KSR2: variants seen among roughly 807,000 people sequenced by gnomAD.
The protein encoded by KSR2 is kinase suppressor of ras 2.
In KSR2, 25 loss-of-function variants were observed where a neutral mutation model predicts 107.8. The observed-to-expected ratio is 0.23, with a 90% CI of 0.17 to 0.32. The LOEUF (loss-of-function observed/expected upper bound fraction) is 0.32. Ranked by LOEUF, KSR2 falls within the 10% of genes least tolerant of loss-of-function variation. The pLI is 1.00. For missense variants in KSR2, 887 were observed against 1,268.9 expected (o/e 0.70, Z 4.57); for synonymous variants, 480 against 507.0 (o/e 0.95, Z 0.71).
intron 7 of KSR2, among the ~76,000 whole-genome samples, chr12:117,565,316 T>C (rs1004548974): frequency 1.3e-5 from 2 of 152,244 alleles, no homozygotes; most frequent in Non-Finnish European, 2.9e-5. Flanking sequence ...AACTTTACAA[T>C]AATCTGTCTG....
intron 14 of KSR2, 124 bp downstream of exon 14, chr12:117,524,728 T>C: frequency 8.7e-7 from 1 of 1,154,204 alleles, no homozygotes; most frequent in Non-Finnish European, 1.2e-6. Context: ...GTAAGTAAAC[T>C]GTGCATGGTA....
At chr12:117,485,527 G>T (rs1051480704) in intron 15 of KSR2, 68 bp downstream of exon 15, 3 of 1,205,892 alleles carry the variant, frequency 2.5e-6, no homozygotes, top group Non-Finnish European at 3.7e-6. Flanking sequence ...CCCTGGGGTA[G>T]GGGGGCTTCC....
chr12:117,773,770 C>T (rs1041379903), intron 3 of KSR2, among the ~76,000 whole-genome samples: 1 of 152,136 alleles, frequency 6.6e-6, no homozygotes, highest in Admixed American at 6.5e-5. Context: ...TGGCAAGAGA[C>T]AAAACTTTTA....
intron 14 of KSR2, among the ~76,000 whole-genome samples, chr12:117,488,708 T>C (rs1872597264): frequency 6.6e-6 from 1 of 151,620 alleles, no homozygotes; most frequent in African/African-American, 2.4e-5. Flanking sequence ...TTCTTTTTTT[T>C]TTTTTTGAGA....
chr12:117,568,057 A>G (rs914469464), intron 7 of KSR2, among the ~76,000 whole-genome samples: 1 of 152,214 alleles, frequency 6.6e-6, no homozygotes, highest in Non-Finnish European at 1.5e-5. Flanking sequence ...GGAAGTATTG[A>G]CATATAAATC....
chr12:117,571,342 T>G (rs928814223), intron 7 of KSR2, among the ~76,000 whole-genome samples: 2 of 152,084 alleles, frequency 1.3e-5, no homozygotes, highest in African/African-American at 4.8e-5. Flanking sequence ...TGGTTTCAGG[T>G]GAATCCAGTC....
intron 1 of KSR2, among the ~76,000 whole-genome samples, chr12:117,914,795 C>CA (rs972480282): frequency 4.6e-5 from 7 of 152,168 alleles, no homozygotes; most frequent in African/African-American, 1.7e-4. Flanking sequence ...CTTGGCCTCC[C>CA]AAAGTGTTGG....
Position 117,453,391 on chromosome 12 carries a change from GC to G in KSR2, c.*13807del, listed in dbSNP as rs1024055050. The G allele has an allele frequency of 5.2e-5, 8 of 152,400 alleles. No individual in the cohort carries two copies. The highest frequency in any genetic ancestry group is 1.9e-4 in the African/African-American group (8 of 41,370). 9.4% of individuals were successfully genotyped at this position (152,400 alleles called of 1,614,324 possible). A position where few individuals can be genotyped will look rare whatever the true frequency, so the allele number is the denominator to read the frequency against. On this transcript the variant is annotated 3_prime_UTR_variant, in exon 20 of 20. Transcript: ENST00000339824. ...AAACGGAAAGGAAAAGAAAGAAGTG[GC>G]CCCCCAAAAGAAAACATGAAACCAC...
At chr12:117,901,091 G>C (rs904369030) in intron 1 of KSR2, among the ~76,000 whole-genome samples, 3 of 152,090 alleles carry the variant, frequency 2.0e-5, no homozygotes, top group Non-Finnish European at 4.4e-5. Flanking sequence ...GCTCATGAAT[G>C]AAACAGTGCA....
intron 14 of KSR2, among the ~76,000 whole-genome samples, chr12:117,498,379 T>C (rs1190598483): frequency 6.6e-6 from 1 of 152,098 alleles, no homozygotes; most frequent in Non-Finnish European, 1.5e-5. Flanking sequence ...AATTCCCAGC[T>C]GCTACCCAGA....
intron 1 of KSR2, among the ~76,000 whole-genome samples, chr12:117,902,264 G>C (rs550374976): frequency 2.0e-5 from 3 of 152,256 alleles, no homozygotes; most frequent in Non-Finnish European, 4.4e-5. Flanking sequence ...TTTGAGACCA[G>C]CCTGGCCAAC....
intron 1 of KSR2, among the ~76,000 whole-genome samples, chr12:117,936,537 TAGTAGTAGTAGTAG>T (rs1566089689): frequency 4.8e-5 from 4 of 83,560 alleles, no homozygotes; most frequent in Non-Finnish European, 7.4e-5. Context: ...TTATTATTAG[TAGTAGTAGTAGTAG>T]TAGTAGTAGT....
intron 4 of KSR2, among the ~76,000 whole-genome samples, chr12:117,668,966 A>T (rs1041121220): frequency 6.6e-5 from 10 of 152,192 alleles, no homozygotes; most frequent in Non-Finnish European, 1.5e-4. Context: ...AGGAAGGTAA[A>T]GAAGAGCTCT....
chr12:117,510,279 T>A (rs1477430693), intron 14 of KSR2, among the ~76,000 whole-genome samples: 1 of 152,206 alleles, frequency 6.6e-6, no homozygotes, highest in East Asian at 1.9e-4. Context: ...TTATTATTAC[T>A]ACGTGATTTA....
chr12:117,507,884 A>G lies in KSR2; in HGVS notation c.2219+16968T>C, dbSNP rs538844204. ...GGAAATCAGGCTGAACTACCTCAGGACCTGCTAAACTGGCACCTTCTCTCC... is the reference window on the plus strand; with the variant it reads ...GGAAATCAGGCTGAACTACCTCAGGGCCTGCTAAACTGGCACCTTCTCTCC... On this transcript the variant is annotated intron_variant, in intron 14 of 19. Coordinates refer to ENST00000339824, the MANE Select transcript of KSR2 (RefSeq NM_173598.6). Among the ~76,000 whole-genome samples, 6 of 152,184 alleles carry G rather than the reference A, an allele frequency of 3.9e-5. No individual in the cohort carries two copies. In the South Asian group the frequency reaches 1.2e-3, roughly 32 times the overall value.
rs969870530 is a variant in KSR2, at chr12:117,466,569, A to G, written c.*630T>C. ...CTATGCAAAGGTGCCACACGCCATG[A>G]CAGGCTCGGGTTGGGGTGTCTGAAA... is the stretch of plus-strand genomic sequence containing the variant. On this transcript the variant is annotated 3_prime_UTR_variant, in exon 20 of 20. Coordinates refer to ENST00000339824, the MANE Select transcript of KSR2 (RefSeq NM_173598.6). The G allele has an allele frequency of 6.6e-6, 1 of 152,396 alleles. No homozygotes were observed. The highest frequency in any genetic ancestry group is 2.4e-5 in the African/African-American group (1 of 41,452). 9.4% of individuals were successfully genotyped at this position (152,396 alleles called of 1,614,324 possible).
intron 4 of KSR2, among the ~76,000 whole-genome samples, chr12:117,727,367 C>T (rs1887471232): frequency 6.6e-6 from 1 of 150,704 alleles, no homozygotes; most frequent in Non-Finnish European, 1.5e-5. Context: ...AGAACCAGAC[C>T]CTGTGAAGAA....
chr12:117,890,759 C>T (rs892393285), intron 1 of KSR2: 18 of 152,182 alleles, frequency 1.2e-4, no homozygotes, highest in African/African-American at 4.3e-4. Context: ...CACCGTGGGA[C>T]ATCTCTCTGC....
intron 9 of KSR2, among the ~76,000 whole-genome samples, chr12:117,540,477 C>T (rs1376395170): frequency 6.6e-6 from 1 of 152,204 alleles, no homozygotes; most frequent in Non-Finnish European, 1.5e-5. Context: ...AAAAGACGTC[C>T]ACCCAGGACC....
Sources: allele counts gnomAD v4.1 joint callset (sites outside exome capture counted in the v4.1 genomes callset), GRCh38; gene constraint gnomAD v4.1.1; transcripts MANE v1.5; gene names NCBI Gene and HGNC (gene_info 2026-07-23, HGNC 2026-07-21).